The following GALNT17 variants were observed in gnomAD, a reference collection of about 807,000 sequenced individuals.
The protein encoded by GALNT17 is UDP-GalNAc:polypeptide N-acetylgalactosaminyltransferase-like 3.
GALNT17 carries 29 observed loss-of-function variants against 63.7 expected under a neutral mutation model. The ratio of observed to expected loss-of-function variants is 0.46; its 90% CI spans 0.34 to 0.62. The LOEUF is 0.62. Ranked by LOEUF, GALNT17 falls within the 20% of genes least tolerant of loss-of-function variation. The probability of loss-of-function intolerance (pLI) is 0.01; values close to 1 mark genes in which losing one functional copy is unlikely to be tolerated. For missense variants in GALNT17, 603 were observed against 799.6 expected (o/e 0.75, Z 2.97); for synonymous variants, 305 against 318.3 (o/e 0.96, Z 0.45).
At chr7:71,217,354 G>A (rs930531668) in intron 1 of GALNT17, among the ~76,000 whole-genome samples, 25 of 151,866 alleles carry the variant, frequency 1.6e-4, no homozygotes, top group African/African-American at 5.3e-4. Context: ...ACTTGCATTT[G>A]ATTAACCCAC....
intron 1 of GALNT17, among the ~76,000 whole-genome samples, chr7:71,262,212 A>G (rs1387741400): frequency 5.3e-5 from 8 of 152,084 alleles, no homozygotes; most frequent in Non-Finnish European, 1.2e-4. Flanking sequence ...CCTGGGCTCA[A>G]GTGATCCTCC....
chr7:71,576,817 T>C (rs929661777), intron 6 of GALNT17, among the ~76,000 whole-genome samples: 4 of 152,118 alleles, frequency 2.6e-5, no homozygotes, highest in African/African-American at 9.7e-5. Flanking sequence ...ATCTGCCCGC[T>C]TCGGTCTCCC....
intron 1 of GALNT17, among the ~76,000 whole-genome samples, chr7:71,203,655 C>T (rs1789216489): frequency 6.6e-6 from 1 of 152,126 alleles, no homozygotes; most frequent in Non-Finnish European, 1.5e-5. Context: ...GTTCTGCAGG[C>T]TTTGCAGGAA....
In GALNT17 at chr7:71,332,878, G is replaced by A. The variant is rs1006214058; in HGVS notation, c.239-2672G>A. On this transcript the variant is annotated intron_variant, in intron 1 of 10. Coordinates refer to ENST00000333538, the MANE Select transcript of GALNT17 (RefSeq NM_022479.3). ...AGCTAATTGTATTTTTAGTAGAGAC[G>A]GGATTCATCATGTTGGCCAGGCTGG... 5.9e-5 allele frequency among the ~76,000 whole-genome samples: 9 copies of A among 151,932 alleles called. No homozygotes were observed. The South Asian group carries it at 1.0e-3, about 18-fold the overall frequency.
chr7:71,544,190 G>T (rs1788942281), intron 5 of GALNT17, among the ~76,000 whole-genome samples: 1 of 146,642 alleles, frequency 6.8e-6, no homozygotes, highest in Admixed American at 6.9e-5. Context: ...GGAGTGCAGT[G>T]ATGCAATCTC....
chr7:71,410,511 G>A (rs1274148025), intron 3 of GALNT17, among the ~76,000 whole-genome samples: 1 of 152,178 alleles, frequency 6.6e-6, no homozygotes, highest in Non-Finnish European at 1.5e-5. Context: ...CTCCCAAAGT[G>A]CTGGGATTAT....
intron 1 of GALNT17, among the ~76,000 whole-genome samples, chr7:71,330,956 C>T (rs1791797900): frequency 6.6e-6 from 1 of 152,162 alleles, no homozygotes; most frequent in Non-Finnish European, 1.5e-5. Context: ...CGGCTCTAGC[C>T]TGCTTGTCCT....
intron 6 of GALNT17, among the ~76,000 whole-genome samples, chr7:71,622,995 A>G (rs1367472330): frequency 6.6e-6 from 1 of 152,098 alleles, no homozygotes; most frequent in African/African-American, 2.4e-5. Context: ...CAAGTTGTCA[A>G]GTTGTTTCCT....
intron 3 of GALNT17, among the ~76,000 whole-genome samples, chr7:71,398,012 T>G (rs2906261): frequency 2.8e-4 from 42 of 152,180 alleles, no homozygotes; most frequent in African/African-American, 1.0e-3. Context: ...GATTTCCTGG[T>G]TTTTTGCATG....
At chr7:71,611,743 G>A (rs192946938) in intron 6 of GALNT17, among the ~76,000 whole-genome samples, 2 of 152,220 alleles carry the variant, frequency 1.3e-5, no homozygotes, top group Admixed American at 6.6e-5. Context: ...AATGCTAAAG[G>A]AATTTGGACA....
chr7:71,285,683 T>A (rs1470588553), intron 1 of GALNT17, among the ~76,000 whole-genome samples: 1 of 152,184 alleles, frequency 6.6e-6, no homozygotes, highest in Admixed American at 6.5e-5. Flanking sequence ...TCTCATCCAT[T>A]TCTGTCATGT....
At chr7:71,694,194 G>A (rs1791505486) in intron 9 of GALNT17, among the ~76,000 whole-genome samples, 1 of 152,012 alleles carries the variant, frequency 6.6e-6, no homozygotes, top group Admixed American at 6.6e-5. Context: ...CTCAAGAATA[G>A]CACAGGAAAG....
At chr7:71,647,229 A>ATTTTTTTTTTTTTTTTTT (rs5884850) in intron 6 of GALNT17, among the ~76,000 whole-genome samples, 5 of 137,544 alleles carry the variant, frequency 3.6e-5, no homozygotes, top group African/African-American at 1.2e-4. Context: ...GTGCCCAGCT[A>ATTTTTTTTTTTTTTTTTT]TTTTTTTTTT....
At position 71,184,939 on chromosome 7, in the gene GALNT17, ACTTCCTTCCTTCCTTCCTTCCTTCCTTC is replaced by A. The variant is rs1164312541; in HGVS notation, c.238+51932_238+51959del. ...CCCACCCTCCCTCCCTCCCTTCCTC[ACTTCCTTCCTTCCTTCCTTCCTTCCTTC>A]CTTCCTTCCTTCCTTCCTTCCTTCC... On this transcript the variant is annotated intron_variant, in intron 1 of 10. Coordinates refer to ENST00000333538, the MANE Select transcript of GALNT17 (RefSeq NM_022479.3). Among the ~76,000 whole-genome samples, 123 of 64,178 alleles carry A rather than the reference ACTTCCTTCCTTCCTTCCTTCCTTCCTTC, an allele frequency of 1.9e-3. 2 individuals carry two copies. The highest frequency in any genetic ancestry group is 6.7e-3 in the African/African-American group (103 of 15,428). The allele number at this position is 64,178 out of a possible 152,430, so 42.1% of individuals were successfully genotyped here.
chr7:71,250,585 C>G (rs1183118314), intron 1 of GALNT17, among the ~76,000 whole-genome samples: 2 of 152,160 alleles, frequency 1.3e-5, no homozygotes, highest in Admixed American at 6.5e-5. Flanking sequence ...TTATTTCAGT[C>G]AAAGCATCCA....
At position 71,324,283 on chromosome 7, in the gene GALNT17, G is replaced by A. The variant is rs565923165; in HGVS notation, c.239-11267G>A. ...GTTGCCTGCAATAACTCAAGTAAGC[G>A]GTGGCTTGAGCTTGCATCTGGGTGG... is the stretch of plus-strand genomic sequence containing the variant. On this transcript the variant is annotated intron_variant, in intron 1 of 10. Transcript: ENST00000333538. Among the ~76,000 whole-genome samples, 12 of 152,202 alleles carry A rather than the reference G, an allele frequency of 7.9e-5. No individual in the cohort carries two copies. In the South Asian group the frequency reaches 2.5e-3, roughly 32 times the overall value.
At chr7:71,421,157 A>G in intron 5 of GALNT17, 52 bp downstream of exon 5, 1 of 1,597,534 alleles carries the variant, frequency 6.3e-7, no homozygotes, top group Non-Finnish European at 8.5e-7. Flanking sequence ...TTCAAGGGTA[A>G]AAAGGAGCTA....
chr7:71,375,015 T>C (rs1388584130), intron 2 of GALNT17, among the ~76,000 whole-genome samples: 1 of 151,904 alleles, frequency 6.6e-6, no homozygotes, highest in Non-Finnish European at 1.5e-5. Context: ...AATTTTTGTG[T>C]TTTTAGTAGA....
intron 1 of GALNT17, among the ~76,000 whole-genome samples, chr7:71,180,740 G>A (rs1788719950): frequency 6.6e-6 from 1 of 152,178 alleles, no homozygotes; most frequent in South Asian, 2.1e-4. Flanking sequence ...AGTTCTCAGA[G>A]CTGGGGCAAA....
Sources: allele counts gnomAD v4.1 joint callset (sites outside exome capture counted in the v4.1 genomes callset), GRCh38; gene constraint gnomAD v4.1.1; transcripts MANE v1.5; gene names NCBI Gene and HGNC (gene_info 2026-07-23, HGNC 2026-07-21).